The following SPATA31H1 variants were observed in gnomAD, a reference collection of about 807,000 sequenced individuals.
The protein encoded by SPATA31H1 is spermatogenesis-associated protein 31H1.
chr2:27,555,224 G>A, the SPATA31H1 span, among the ~76,000 whole-genome samples: 87,433 of 151,646 alleles, frequency 0.58, 26,062 homozygotes, highest in East Asian at 0.84. Flanking sequence ...AAATCTTTGC[G>A]TTCTTGGAAT....
chr2:27,550,162 G>T, the SPATA31H1 span, among the ~76,000 whole-genome samples: 4 of 147,970 alleles, frequency 2.7e-5, no homozygotes, highest in South Asian at 8.6e-4. Context: ...TCTTTTTCTT[G>T]TATTATTCCA....
the SPATA31H1 span, chr2:27,579,589 G>T: frequency 6.2e-7 from 1 of 1,614,190 alleles, no homozygotes; most frequent in Non-Finnish European, 8.5e-7. Flanking sequence ...ACGTTCAATG[G>T]TATATCCCAA....
the SPATA31H1 span, among the ~76,000 whole-genome samples, chr2:27,547,836 ACT>A: frequency 6.6e-6 from 1 of 151,728 alleles, no homozygotes; most frequent in East Asian, 1.9e-4. Context: ...CCCAGCTTCA[ACT>A]CTCTTACCTT....
At chr2:27,566,598 G>A in the SPATA31H1 span, 5 of 581,294 alleles carry the variant, frequency 8.6e-6, no homozygotes, top group Admixed American at 9.6e-5. Context: ...ATTTCTATAA[G>A]TAATTGATGT....
At chr2:27,566,572 T>C in the SPATA31H1 span, among the ~76,000 whole-genome samples, 1 of 152,068 alleles carries the variant, frequency 6.6e-6, no homozygotes, top group African/African-American at 2.4e-5. Context: ...CCTCCCTTTG[T>C]CCTGGTGGAG....
chr2:27,558,924 G>GGAGGGAGAGGGA, the SPATA31H1 span, among the ~76,000 whole-genome samples: 79 of 87,744 alleles, frequency 9.0e-4, no homozygotes, highest in African/African-American at 3.0e-3. Flanking sequence ...AGAGGGAGGG[G>GGAGGGAGAGGGA]GAGGGAGAGG....
At chr2:27,563,813 G>A in the SPATA31H1 span, among the ~76,000 whole-genome samples, 3 of 151,988 alleles carry the variant, frequency 2.0e-5, no homozygotes, top group Admixed American at 2.0e-4. Context: ...CATCTGCCTC[G>A]GCCTCCCAAA....
chr2:27,540,174 G>A, the SPATA31H1 span, among the ~76,000 whole-genome samples: 22 of 98,062 alleles, frequency 2.2e-4, no homozygotes, highest in South Asian at 7.9e-4. Context: ...GGACGGGGCG[G>A]CTGGCCGGGC....
chr2:27,578,862 G>A, the SPATA31H1 span: 1 of 1,614,144 alleles, frequency 6.2e-7, no homozygotes, highest in Non-Finnish European at 8.5e-7. Context: ...AGTATCCAGA[G>A]CTTTGGATAT....
chr2:27,537,538 T>C, the SPATA31H1 span: 1 of 717,382 alleles, frequency 1.4e-6, no homozygotes, highest in South Asian at 1.5e-5. Context: ...GAATCGGAGC[T>C]GGAAGCAGGT....
At chr2:27,577,584 A>C in the SPATA31H1 span, 1 of 1,614,142 alleles carries the variant, frequency 6.2e-7, no homozygotes, top group Non-Finnish European at 8.5e-7. This position sits in a 1 kb window ranked among gnomAD's most constrained non-coding sequence, Gnocchi z 4.5. Context: ...ATTGATTCCA[A>C]AGTCATTACA....
the SPATA31H1 span, among the ~76,000 whole-genome samples, chr2:27,564,637 C>A: frequency 6.6e-6 from 1 of 151,822 alleles, no homozygotes; most frequent in Non-Finnish European, 1.5e-5. Flanking sequence ...GCCAATGTGG[C>A]AAAACCCCGT....
At chr2:27,539,250 C>T in the SPATA31H1 span, among the ~76,000 whole-genome samples, 2 of 150,084 alleles carry the variant, frequency 1.3e-5, no homozygotes, top group African/African-American at 5.0e-5. Context: ...CCAGAGGACC[C>T]TGCGGCCTTC....
the SPATA31H1 span, chr2:27,579,127 C>T: frequency 2.5e-6 from 4 of 1,614,172 alleles, no homozygotes; most frequent in Non-Finnish European, 2.5e-6. Flanking sequence ...CGATCTAGGA[C>T]ATTCCAGGCA....
the SPATA31H1 span, chr2:27,566,168 C>T: frequency 9.8e-6 from 7 of 715,446 alleles, no homozygotes; most frequent in East Asian, 1.6e-4. Context: ...AGTACCTGGA[C>T]TCTGTTTTAC....
the SPATA31H1 span, among the ~76,000 whole-genome samples, chr2:27,565,788 T>A: frequency 6.6e-6 from 1 of 152,192 alleles, no homozygotes; most frequent in African/African-American, 2.4e-5. Context: ...TCCCCTACTC[T>A]CACTGCTTAT....
At chr2:27,539,153 C>T in the SPATA31H1 span, among the ~76,000 whole-genome samples, 1 of 121,168 alleles carries the variant, frequency 8.3e-6, no homozygotes, top group Non-Finnish European at 1.6e-5. Flanking sequence ...GTGTTTCTCG[C>T]AGAGGGGGAT....
At chr2:27,578,122 C>G in the SPATA31H1 span, 18 of 1,614,104 alleles carry the variant, frequency 1.1e-5, no homozygotes, top group Admixed American at 3.0e-4. Flanking sequence ...AAAGTGACCC[C>G]TGGACCACCA....
chr2:27,543,937 G>A, the SPATA31H1 span, among the ~76,000 whole-genome samples: 15 of 151,870 alleles, frequency 9.9e-5, no homozygotes, highest in East Asian at 1.3e-3. Flanking sequence ...ACTTATTGAC[G>A]GTTGTTTTTT....
Sources: allele counts gnomAD v4.1 joint callset (sites outside exome capture counted in the v4.1 genomes callset), GRCh38; gene constraint gnomAD v4.1.1; non-coding constraint Gnocchi (gnomAD v3.1); transcripts MANE v1.5; gene names NCBI Gene and HGNC (gene_info 2026-07-23, HGNC 2026-07-21).